PDE3B: variants seen among roughly 807,000 people sequenced by gnomAD.
PDE3B encodes phosphodiesterase 3B.
In PDE3B, 66 loss-of-function variants were observed where a neutral mutation model predicts 116.8. The ratio of observed to expected loss-of-function variants is 0.56; its 90% CI spans 0.46 to 0.69. The LOEUF is 0.69. Ranked by LOEUF, PDE3B falls within the 30% of genes least tolerant of loss-of-function variation. The pLI is 0.00. For missense variants in PDE3B, 1,384 were observed against 1,368.1 expected (o/e 1.01, Z -0.18); for synonymous variants, 595 against 533.6 (o/e 1.12, Z -1.59).
At chr11:14,750,677 T>A (rs959072290) in intron 1 of PDE3B, among the ~76,000 whole-genome samples, 1 of 152,180 alleles carries the variant, frequency 6.6e-6, no homozygotes, top group African/African-American at 2.4e-5. Context: ...AAGAATATTA[T>A]TTTGAAAAGG....
In PDE3B at chr11:14,816,105, T is replaced by G. The variant is rs768578989; in HGVS notation, c.1523-2078T>G. On this transcript the variant is annotated intron_variant, in intron 5 of 15. Coordinates refer to ENST00000282096, the MANE Select transcript of PDE3B (RefSeq NM_000922.4). ...TCCAGCAGGGTTAATGTTGCAGTCTTGAACCTGAGACAAAATTTTTTCCTC... is the reference window on the plus strand; with the variant it reads ...TCCAGCAGGGTTAATGTTGCAGTCTGGAACCTGAGACAAAATTTTTTCCTC... Among the ~76,000 whole-genome samples the G allele has an allele frequency of 2.0e-4, 31 of 152,176 alleles. 1 individual carries two copies. Among genetic ancestry groups the G allele is most frequent in the Non-Finnish European group, 7.3e-5 (5 of 68,034 alleles).
chr11:14,889,481 C>T, the PDE3B span, among the ~76,000 whole-genome samples: 1 of 152,180 alleles, frequency 6.6e-6, no homozygotes, highest in African/African-American at 2.4e-5. Flanking sequence ...CATAGTGAGG[C>T]AAACAATGTC....
intron 5 of PDE3B, among the ~76,000 whole-genome samples, chr11:14,807,598 A>G (rs1720603454): frequency 6.6e-6 from 1 of 152,212 alleles, no homozygotes; most frequent in African/African-American, 2.4e-5. Context: ...CAGAAGAAAC[A>G]CACAAAAAAT....
At chr11:14,734,158 G>A (rs1429841305) in intron 1 of PDE3B, among the ~76,000 whole-genome samples, 2 of 152,082 alleles carry the variant, frequency 1.3e-5, no homozygotes, top group Non-Finnish European at 2.9e-5. Context: ...TGTAGCTTTG[G>A]CCTCCCAGGC....
chr11:14,716,232 C>G (rs1855885346), intron 1 of PDE3B, among the ~76,000 whole-genome samples: 2 of 152,148 alleles, frequency 1.3e-5, no homozygotes, highest in Non-Finnish European at 2.9e-5. Context: ...AACGGCGCAC[C>G]ACGAGACTAT....
intron 12 of PDE3B, among the ~76,000 whole-genome samples, chr11:14,844,783 A>G (rs12419521): frequency 2.0e-5 from 3 of 152,218 alleles, no homozygotes; most frequent in Admixed American, 6.5e-5. Flanking sequence ...AAGGCTGGGG[A>G]AAGGGCGCCC....
intron 11 of PDE3B, among the ~76,000 whole-genome samples, chr11:14,841,605 A>T (rs1357403200): frequency 1.4e-5 from 2 of 147,254 alleles, no homozygotes; most frequent in African/African-American, 5.0e-5. Context: ...AATACCTGAG[A>T]CTGAGTAATT....
rs140703300 is a variant in PDE3B, at chr11:14,786,338, C to CAT, written c.1030-85_1030-84dup. ...AATTAAAGTTCACGGTTATTTGCTACATATATATATATATAAATTTTAAGT... is the reference window on the plus strand; with the variant it reads ...AATTAAAGTTCACGGTTATTTGCTACATATATATATATATATAAATTTTAAGT... On this transcript the variant is annotated intron_variant, in intron 2 of 15. Transcript: ENST00000282096. The CAT allele has an allele frequency of 5.5e-3, 4,227 of 766,602 alleles. 41 individuals are homozygous for CAT. Among genetic ancestry groups the CAT allele is most frequent in the African/African-American group, 0.039 (2,149 of 55,466 alleles). The allele number at this position is 766,602 out of a possible 1,614,324, so 47.5% of individuals were successfully genotyped here.
At chr11:14,822,751 T>G (rs1467441425) in intron 7 of PDE3B, among the ~76,000 whole-genome samples, 1 of 152,182 alleles carries the variant, frequency 6.6e-6, no homozygotes, top group Non-Finnish European at 1.5e-5. Context: ...AGTAGGAGGT[T>G]AGACCCCCAT....
At chr11:14,661,573 C>T (rs1358031151) in intron 1 of PDE3B, among the ~76,000 whole-genome samples, 8 of 152,174 alleles carry the variant, frequency 5.3e-5, no homozygotes, top group South Asian at 2.1e-4. Flanking sequence ...GGGTGACAGA[C>T]GGCACCTGGA....
At chr11:14,891,831 C>G in the PDE3B span, 18 of 1,421,910 alleles carry the variant, frequency 1.3e-5, no homozygotes, top group Admixed American at 5.8e-5. Flanking sequence ...CTTCCAGACC[C>G]GGGAAGCGGG....
chr11:14,659,989 C>G (rs1320718194), intron 1 of PDE3B, among the ~76,000 whole-genome samples: 1 of 152,150 alleles, frequency 6.6e-6, no homozygotes, highest in Non-Finnish European at 1.5e-5. Context: ...TTCTGTGTTC[C>G]CCCAAATAGT....
chr11:14,747,147 T>C (rs971921883), intron 1 of PDE3B, among the ~76,000 whole-genome samples: 1 of 152,146 alleles, frequency 6.6e-6, no homozygotes, highest in Non-Finnish European at 1.5e-5. Context: ...CAACATAATC[T>C]TTTAAACAAC....
chr11:14,676,248 C>A (rs990192539), intron 1 of PDE3B, among the ~76,000 whole-genome samples: 1 of 152,110 alleles, frequency 6.6e-6, no homozygotes, highest in Non-Finnish European at 1.5e-5. Context: ...AGGATATGTT[C>A]TGAGAAATGT....
At chr11:14,782,067 A>C (rs1156440819) in intron 2 of PDE3B, among the ~76,000 whole-genome samples, 1 of 152,216 alleles carries the variant, frequency 6.6e-6, no homozygotes, top group Non-Finnish European at 1.5e-5. Context: ...GATGGCTTCA[A>C]AGAGAATAAA....
intron 1 of PDE3B, among the ~76,000 whole-genome samples, chr11:14,733,568 C>T (rs917467661): frequency 6.6e-6 from 1 of 152,154 alleles, no homozygotes. Flanking sequence ...TTATGGGAGT[C>T]AGCTAGTAGG....
At chr11:14,685,309 G>A (rs1158848513) in intron 1 of PDE3B, among the ~76,000 whole-genome samples, 1 of 152,020 alleles carries the variant, frequency 6.6e-6, no homozygotes, top group Admixed American at 6.6e-5. Flanking sequence ...GTAGTTGTAC[G>A]AATCTATTGC....
intron 1 of PDE3B, among the ~76,000 whole-genome samples, chr11:14,766,436 C>T (rs1040862883): frequency 2.6e-5 from 4 of 151,616 alleles, no homozygotes. Flanking sequence ...CATTATCATA[C>T]TTGAAAGTTT....
intron 1 of PDE3B, among the ~76,000 whole-genome samples, chr11:14,734,564 A>G (rs1590101052): frequency 6.6e-6 from 1 of 152,198 alleles, no homozygotes; most frequent in East Asian, 1.9e-4. Context: ...CATGTATTGC[A>G]TGATTACATA....
Sources: allele counts gnomAD v4.1 joint callset (sites outside exome capture counted in the v4.1 genomes callset), GRCh38; gene constraint gnomAD v4.1.1; transcripts MANE v1.5; gene names NCBI Gene and HGNC (gene_info 2026-07-23, HGNC 2026-07-21).